Variants in USP37 observed in about 807,000 individuals in gnomAD.
USP37 encodes ubiquitin carboxyl-terminal hydrolase 37.
USP37 carries 27 observed loss-of-function variants against 124.0 expected under a neutral mutation model. That is an observed-to-expected ratio of 0.22 (90% CI 0.16 to 0.30). USP37 has a LOEUF of 0.30. Among genes scored for constraint, USP37 ranks in the 10% least tolerant of loss-of-function variants. The probability of loss-of-function intolerance (pLI) is 1.00; values close to 1 mark genes in which losing one functional copy is unlikely to be tolerated. For missense variants in USP37, 889 were observed against 1,140.4 expected (o/e 0.78, Z 3.17); for synonymous variants, 365 against 388.0 (o/e 0.94, Z 0.70).
chr2:218,497,663 A>C, intron 13 of USP37, 71 bp downstream of exon 13: 1 of 1,586,726 alleles, frequency 6.3e-7, no homozygotes, highest in Non-Finnish European at 8.6e-7. Context: ...TAGGCCTCCC[A>C]AAGTGCTGGA....
chr2:218,549,267 T>C (rs1692533597), intron 6 of USP37, among the ~76,000 whole-genome samples: 1 of 151,964 alleles, frequency 6.6e-6, no homozygotes, highest in Non-Finnish European at 1.5e-5. Context: ...AAAAAGAACC[T>C]GACAAAAATG....
chr2:218,559,912 C>G (rs879889905), intron 3 of USP37, among the ~76,000 whole-genome samples: 8 of 151,810 alleles, frequency 5.3e-5, no homozygotes, highest in Non-Finnish European at 1.2e-4. Context: ...CCAGGGAGGT[C>G]GAGGCTGCAG....
chr2:218,557,930 C>CAAAAAAAAAAA (rs61488353), intron 4 of USP37, among the ~76,000 whole-genome samples: 1,035 of 35,618 alleles, frequency 0.029, 103 homozygotes, highest in African/African-American at 0.08. Context: ...GACTCTGTCT[C>CAAAAAAAAAAA]AAAAAAAAAA....
At chr2:218,544,424 T>TAGAGAGAGAGAGAGAG (rs763870747) in intron 8 of USP37, among the ~76,000 whole-genome samples, 5 of 57,198 alleles carry the variant, frequency 8.7e-5, no homozygotes, top group East Asian at 7.0e-4. Flanking sequence ...TATATATATA[T>TAGAGAGAGAGAGAGAG]ATATATAGAG....
chr2:218,505,084 G>A (rs187253470), intron 11 of USP37, among the ~76,000 whole-genome samples: 7 of 152,008 alleles, frequency 4.6e-5, no homozygotes, highest in Non-Finnish European at 7.4e-5. Flanking sequence ...GTGTGACCAC[G>A]GTTCACCGTG....
At chr2:218,550,898 TC>T (rs1194878977) in intron 5 of USP37, among the ~76,000 whole-genome samples, 1 of 152,182 alleles carries the variant, frequency 6.6e-6, no homozygotes, top group Non-Finnish European at 1.5e-5. Context: ...ACTATTTTCT[TC>T]CTTTGTCTTT....
At chr2:218,557,484 C>T (rs148276808) in intron 4 of USP37, among the ~76,000 whole-genome samples, 54 of 151,610 alleles carry the variant, frequency 3.6e-4, no homozygotes, top group African/African-American at 1.2e-3. Context: ...CTTTGATACA[C>T]GAAATCATAG....
rs186236147 is a variant in USP37, at chr2:218,452,682, A to G, written c.*2248T>C. On this transcript the variant is annotated 3_prime_UTR_variant, in exon 26 of 26. Coordinates refer to ENST00000258399, the MANE Select transcript of USP37 (RefSeq NM_020935.3). Reference sequence around the variant, plus strand: ...AAGTGTACTTCTAAACCATACACACATGAAAGCTATGAAAGCAATTCAAAT... The same window carrying G: ...AAGTGTACTTCTAAACCATACACACGTGAAAGCTATGAAAGCAATTCAAAT... 1.3e-5 allele frequency: 2 copies of G among 152,350 alleles called. No individual in the cohort carries two copies. Among genetic ancestry groups the G allele is most frequent in the East Asian group, 3.9e-4 (2 of 5,192 alleles). The allele number at this position is 152,350 out of a possible 1,614,324, so 9.4% of individuals were successfully genotyped here.
intron 19 of USP37, 157 bp from the exon 20 acceptor site, chr2:218,475,042 G>GAGTC: frequency 1.8e-6 from 1 of 568,588 alleles, no homozygotes; most frequent in Non-Finnish European, 2.8e-6. Flanking sequence ...ACTAAATGGT[G>GAGTC]AGTCTAACTT....
chr2:218,526,647 G>A (rs970620423), intron 10 of USP37, among the ~76,000 whole-genome samples: 2 of 152,008 alleles, frequency 1.3e-5, no homozygotes, highest in Non-Finnish European at 2.9e-5. Context: ...TTTTCGATGT[G>A]AGGACTTTCA....
intron 10 of USP37, among the ~76,000 whole-genome samples, chr2:218,523,570 C>T (rs990967958): frequency 3.3e-5 from 5 of 151,088 alleles, no homozygotes; most frequent in South Asian, 2.1e-4. Context: ...TGTTTTTTGG[C>T]GGGGGGGTCT....
rs768121502 is a variant in USP37 at position 218,495,750 on chromosome 2, C to T, written c.1472+10G>A. ...GTAAAAAGGGAAATCATTTCTTAGACACTACTTACGCTTTACAAATGATGG... is the reference window on the plus strand; with the variant it reads ...GTAAAAAGGGAAATCATTTCTTAGATACTACTTACGCTTTACAAATGATGG... On this transcript the variant is annotated intron_variant, in intron 14 of 25. Coordinates refer to ENST00000258399, the MANE Select transcript of USP37 (RefSeq NM_020935.3). 1 of 1,583,696 alleles carries T rather than the reference C, an allele frequency of 6.3e-7. No homozygotes were observed. The highest frequency in any genetic ancestry group is 1.2e-5 in the South Asian group (1 of 86,184).
intron 24 of USP37, 61 bp downstream of exon 24, chr2:218,457,031 A>G (rs1689738477): frequency 6.6e-7 from 1 of 1,519,316 alleles, no homozygotes; most frequent in Non-Finnish European, 9.1e-7. Context: ...AGAGCAATAT[A>G]ATAAAGAGCA....
intron 19 of USP37, 60 bp downstream of exon 19, chr2:218,476,780 T>C (rs1691005998): frequency 9.3e-6 from 14 of 1,513,276 alleles, no homozygotes; most frequent in Non-Finnish European, 1.2e-5. Flanking sequence ...GAAAGACATT[T>C]GTTTGGACAG....
intron 21 of USP37, 117 bp downstream of exon 21, chr2:218,465,893 T>C (rs1574841764): frequency 7.6e-7 from 1 of 1,312,010 alleles, no homozygotes; most frequent in Non-Finnish European, 1.0e-6. Flanking sequence ...ACTTACTCTA[T>C]GTAAATCATC....
intron 14 of USP37, among the ~76,000 whole-genome samples, chr2:218,494,827 G>A (rs1574881266): frequency 6.6e-6 from 1 of 152,154 alleles, no homozygotes; most frequent in African/African-American, 2.4e-5. Flanking sequence ...AATGTAGAAA[G>A]TCTGGATAAT....
At chr2:218,547,801 G>C (rs1010229772) in intron 6 of USP37, among the ~76,000 whole-genome samples, 2 of 152,090 alleles carry the variant, frequency 1.3e-5, no homozygotes, top group African/African-American at 4.8e-5. Context: ...GGAAAAGGAA[G>C]GTGAGATAGA....
Position 218,553,545 on chromosome 2 carries a change from G to C in USP37, c.328+8C>G. 1.9e-6 allele frequency: 3 copies of C among 1,609,874 alleles called. No homozygotes were observed. Among genetic ancestry groups the C allele is most frequent in the Non-Finnish European group, 2.5e-6 (3 of 1,177,542 alleles). On this transcript the variant is annotated splice_region_variant and intron_variant, in intron 5 of 25. Transcript: ENST00000258399. ...CTAACGTTAGACCCTGGGGTGATTA[G>C]TACTCACCTGCAGGAAGTCTGTTTT...
At chr2:218,481,962 G>A (rs1295719336) in intron 17 of USP37, 108 bp downstream of exon 17, 1 of 1,318,542 alleles carries the variant, frequency 7.6e-7, no homozygotes, top group East Asian at 2.4e-5. Context: ...CCATTGATCT[G>A]ATTTTACCTT....
Sources: allele counts gnomAD v4.1 joint callset (sites outside exome capture counted in the v4.1 genomes callset), GRCh38; gene constraint gnomAD v4.1.1; transcripts MANE v1.5; gene names NCBI Gene and HGNC (gene_info 2026-07-23, HGNC 2026-07-21).